RUNX3: variants seen among roughly 807,000 people sequenced by gnomAD.
RUNX3 encodes the protein runt-related transcription factor 3.
Under a neutral mutation model 27.7 loss-of-function variants are expected in RUNX3, and 10 were observed. The ratio of observed to expected loss-of-function variants is 0.36; its 90% confidence interval spans 0.22 to 0.61. The LOEUF (loss-of-function observed/expected upper bound fraction) is 0.61. Among genes scored for constraint, RUNX3 ranks in the 20% least tolerant of loss-of-function variants. RUNX3 has a pLI of 0.72. For missense variants in RUNX3, 469 were observed against 629.5 expected (o/e 0.75, Z 2.73); for synonymous variants, 270 against 269.2 (o/e 1.00, Z -0.03).
intron 4 of RUNX3, among the ~76,000 whole-genome samples, chr1:24,903,897 A>G (rs764483774): frequency 6.6e-5 from 10 of 152,240 alleles, no homozygotes; most frequent in Non-Finnish European, 1.5e-4. Flanking sequence ...ACATGAGACG[A>G]TAACAGTTCA....
At chr1:24,930,701 G>A (rs1363635697), upstream of RUNX3, among the ~76,000 whole-genome samples, 8 of 152,326 alleles carry the variant, frequency 5.3e-5, no homozygotes, top group Admixed American at 3.3e-4. This position sits in a 1 kb window ranked among gnomAD's most constrained non-coding sequence, Gnocchi z 4.1. Flanking sequence ...GCTGGGGGCC[G>A]CGGGGTCTCA....
intron 2 of RUNX3, among the ~76,000 whole-genome samples, chr1:24,921,011 C>T (rs144039042): frequency 1.6e-3 from 247 of 152,282 alleles, no homozygotes; most frequent in African/African-American, 4.7e-3. Flanking sequence ...CTGGATCCCA[C>T]GTACAGGCCT....
At position 24,927,744 on chromosome 1, in the gene RUNX3, GC is replaced by G; in HGVS notation, c.283-15del. 2 of 1,613,526 alleles carry G rather than the reference GC, an allele frequency of 1.2e-6. No homozygotes were observed. The highest frequency in any genetic ancestry group is 8.5e-7 in the Non-Finnish European group (1 of 1,179,644). On this transcript the variant is annotated splice_polypyrimidine_tract_variant and intron_variant, in intron 1 of 4. Transcript: ENST00000308873. This position sits in a 1 kb window ranked among gnomAD's most constrained non-coding sequence, Gnocchi z 5.0. The stretch of plus-strand genomic sequence containing the variant: ...CAATGCCACCACCTGAAGACACGGG[GC>G]GGGGGGATGCAGGGGGACAGCTTAG...
At chr1:24,942,428 G>T (rs958337706) in intron 2 of RUNX3, among the ~76,000 whole-genome samples, 4 of 152,192 alleles carry the variant, frequency 2.6e-5, no homozygotes, top group Non-Finnish European at 5.9e-5. Flanking sequence ...GGACACTCAA[G>T]AAAACAGATG....
Position 24,927,306 on chromosome 1 carries a change from C to T in RUNX3, c.439+268G>A, listed in dbSNP as rs918366807. On this transcript the variant is annotated intron_variant, in intron 2 of 4. Coordinates refer to ENST00000308873, the MANE Select transcript of RUNX3 (RefSeq NM_004350.3). This position sits in a 1 kb window ranked among gnomAD's most constrained non-coding sequence, Gnocchi z 5.0. ...TTTTGTGAGACCAGGTGTGCTTAAC[C>T]GGGAAAGAGGGGGTGGCATGAACGG... Among the ~76,000 whole-genome samples the T allele has an allele frequency of 6.6e-6, 1 of 152,036 alleles. No individual in the cohort carries two copies. The highest frequency in any genetic ancestry group is 2.4e-5 in the African/African-American group (1 of 41,372).
intron 4 of RUNX3, among the ~76,000 whole-genome samples, chr1:24,903,525 G>A (rs913853228): frequency 7.2e-5 from 11 of 152,238 alleles, no homozygotes; most frequent in Non-Finnish European, 1.6e-4. Context: ...TGGGCTCCAA[G>A]GCAAGGGTGT....
At chr1:24,915,414 A>T (rs1397793121) in intron 3 of RUNX3, among the ~76,000 whole-genome samples, 3 of 152,182 alleles carry the variant, frequency 2.0e-5, no homozygotes, top group Non-Finnish European at 4.4e-5. Flanking sequence ...ACAGAGCAAG[A>T]CTCCATCTCA....
intron 2 of RUNX3, among the ~76,000 whole-genome samples, chr1:24,938,639 A>C (rs558930609): frequency 3.3e-5 from 5 of 152,304 alleles, no homozygotes; most frequent in Admixed American, 3.3e-4. Context: ...CCCAAAAGTC[A>C]TACATTAAAA....
intron 2 of RUNX3, among the ~76,000 whole-genome samples, chr1:24,950,929 C>T (rs1055583119): frequency 4.6e-5 from 7 of 152,122 alleles, no homozygotes; most frequent in South Asian, 4.2e-4. Flanking sequence ...CAGCATAGGC[C>T]GGGCGTGGTG....
chr1:24,963,931 G>A (rs1486049764), intron 2 of RUNX3, among the ~76,000 whole-genome samples: 2 of 152,152 alleles, frequency 1.3e-5, no homozygotes, highest in African/African-American at 2.4e-5. Context: ...GAACTTTCTC[G>A]AGGTCTGTCC....
chr1:24,964,503 T>C (rs776974460), intron 2 of RUNX3: 3 of 1,602,834 alleles, frequency 1.9e-6, no homozygotes, highest in South Asian at 1.1e-5. Flanking sequence ...CCCTGGGCTA[T>C]TGTTACTCAC....
chr1:24,902,344 C>G lies in RUNX3; in HGVS notation c.1026G>C (p.Gln342His), dbSNP rs1257013779. Residue 342 changes from glutamine (Q) to histidine (H), a missense_variant, in exon 5 of 5, where the codon CAG becomes CAC. Transcript: ENST00000308873. This position sits in a 1 kb window ranked among gnomAD's most constrained non-coding sequence, Gnocchi z 9.2. The part of the protein sequence containing the change: ...LYYGTSSGSY[Q>H]FSMVAGSSSG... ...TGCTGCTGCCGGCCACCATGGAGAA[C>G]TGGTAGGAGCCAGAGGATGTCCCGT... The G allele has an allele frequency of 6.2e-7, 1 of 1,611,562 alleles. No homozygotes were observed. Among genetic ancestry groups the G allele is most frequent in the Non-Finnish European group, 8.5e-7 (1 of 1,179,758 alleles).
chr1:24,924,065 C>T (rs1641050781), intron 2 of RUNX3, among the ~76,000 whole-genome samples: 1 of 152,074 alleles, frequency 6.6e-6, no homozygotes, highest in South Asian at 2.1e-4. Context: ...GAGGGAAAAA[C>T]TTGCTTATAA....
intron 4 of RUNX3, among the ~76,000 whole-genome samples, chr1:24,906,317 T>C (rs766768219): frequency 6.6e-6 from 1 of 152,318 alleles, no homozygotes; most frequent in Non-Finnish European, 1.5e-5. Context: ...CTGAACCTCT[T>C]AGGCCTCTCA....
At chr1:24,909,830 C>T (rs1453526667) in intron 3 of RUNX3, among the ~76,000 whole-genome samples, 2 of 152,226 alleles carry the variant, frequency 1.3e-5, no homozygotes, top group South Asian at 2.1e-4. Flanking sequence ...AACACGGTCA[C>T]GGCCATTCTA....
At chr1:24,954,038 A>G (rs1641847487) in intron 2 of RUNX3, among the ~76,000 whole-genome samples, 2 of 152,174 alleles carry the variant, frequency 1.3e-5, no homozygotes, top group East Asian at 3.8e-4. Flanking sequence ...TCAGCCTCCC[A>G]AAGTGTTGGG....
At chr1:24,960,670 G>C (rs115102110) in intron 2 of RUNX3, among the ~76,000 whole-genome samples, 3 of 151,384 alleles carry the variant, frequency 2.0e-5, no homozygotes, top group Non-Finnish European at 3.0e-5. Flanking sequence ...CCTGGTGTGA[G>C]GGGGGGGTGC....
Position 24,904,216 on chromosome 1 carries a change from C to A in RUNX3, c.704-1550G>T, listed in dbSNP as rs370245863. Among the ~76,000 whole-genome samples, 1 of 152,180 alleles carries A rather than the reference C, an allele frequency of 6.6e-6. No homozygotes were observed. The highest frequency in any genetic ancestry group is 1.5e-5 in the Non-Finnish European group (1 of 68,030). On this transcript the variant is annotated intron_variant, in intron 4 of 4. Coordinates refer to ENST00000308873, the MANE Select transcript of RUNX3 (RefSeq NM_004350.3). The surrounding 1 kb of genome is among the most constrained non-coding windows in gnomAD (Gnocchi z 5.7). ...TAGCCGGAGTGGGCTCTGCCTGCCACGCCGAGGCTTGGCTGAGGACGGAGA... is the reference window on the plus strand; with the variant it reads ...TAGCCGGAGTGGGCTCTGCCTGCCAAGCCGAGGCTTGGCTGAGGACGGAGA...
At chr1:24,963,498 A>G (rs1330106061) in intron 2 of RUNX3, among the ~76,000 whole-genome samples, 1 of 152,132 alleles carries the variant, frequency 6.6e-6, no homozygotes, top group Non-Finnish European at 1.5e-5. Flanking sequence ...GCCCTTATAC[A>G]TGGTCCACCC....
Sources: allele counts gnomAD v4.1 joint callset (sites outside exome capture counted in the v4.1 genomes callset), GRCh38; gene constraint gnomAD v4.1.1; non-coding constraint Gnocchi (gnomAD v3.1); transcripts MANE v1.5; gene names NCBI Gene and HGNC (gene_info 2026-07-23, HGNC 2026-07-21).